RPS6KA2: variants seen among roughly 807,000 people sequenced by gnomAD.
RPS6KA2 encodes ribosomal protein S6 kinase A2, also known as ribosomal protein S6 kinase alpha-2.
RPS6KA2 carries 42 observed loss-of-function variants against 91.8 expected under a neutral mutation model. The ratio of observed to expected loss-of-function variants is 0.46; its 90% CI spans 0.36 to 0.59. RPS6KA2 has a LOEUF of 0.59. RPS6KA2 is among the 20% of genes least tolerant of loss of function. RPS6KA2 has a pLI of 0.00. For synonymous variants in RPS6KA2, 414 were observed against 393.6 expected (o/e 1.05, Z -0.61); for missense variants, 798 against 978.5 (o/e 0.82, Z 2.46).
At chr6:166,719,069 C>T (rs756556220) in intron 2 of RPS6KA2, among the ~76,000 whole-genome samples, 7 of 152,174 alleles carry the variant, frequency 4.6e-5, no homozygotes, top group African/African-American at 7.2e-5. Flanking sequence ...TTTGGGGCCA[C>T]ACAACCTCTG....
chr6:166,793,793 C>T (rs1400742579), intron 2 of RPS6KA2, among the ~76,000 whole-genome samples: 4 of 152,102 alleles, frequency 2.6e-5, no homozygotes, highest in East Asian at 1.9e-4. Context: ...GGAAAACTGG[C>T]TAGCCATATG....
Position 166,770,754 on chromosome 6 carries a change from G to T in RPS6KA2, c.123+87446C>A. 2 of 1,057,038 alleles carry T rather than the reference G, an allele frequency of 1.9e-6. No individual in the cohort carries two copies. The highest frequency in any genetic ancestry group is 2.7e-6 in the Non-Finnish European group (2 of 728,040). The allele number at this position is 1,057,038 out of a possible 1,614,324, so 65.5% of individuals were successfully genotyped here. ...CGCACCTTGCCTTGCTGGACTCCGG[G>T]CACCGTGAAACAACTCAATAAATTG... On this transcript the variant is annotated intron_variant, in intron 2 of 21. Transcript: ENST00000503859. The surrounding 1 kb of genome is among the most constrained non-coding windows in gnomAD (Gnocchi z 5.1).
chr6:166,436,850 GGGAATAGGTTCTCAC>G (rs1406325794), intron 14 of RPS6KA2, among the ~76,000 whole-genome samples: 2 of 152,058 alleles, frequency 1.3e-5, no homozygotes, highest in Admixed American at 1.3e-4. Flanking sequence ...GAGTCGTGGC[GGGAATAGGTTCTCAC>G]ACGACCCTCC....
chr6:166,417,364 A>C (rs1159159309), intron 19 of RPS6KA2, among the ~76,000 whole-genome samples: 1 of 152,220 alleles, frequency 6.6e-6, no homozygotes, highest in Non-Finnish European at 1.5e-5. Context: ...TGTGGTTAAC[A>C]CTTAAGTCAG....
At chr6:166,464,018 T>C (rs1406177642) in intron 11 of RPS6KA2, among the ~76,000 whole-genome samples, 2 of 152,080 alleles carry the variant, frequency 1.3e-5, no homozygotes, top group Non-Finnish European at 2.9e-5. Context: ...CTAGTGTATA[T>C]AATGTAGGAA....
intron 14 of RPS6KA2, among the ~76,000 whole-genome samples, chr6:166,441,640 C>A (rs1365465630): frequency 6.6e-6 from 1 of 152,256 alleles, no homozygotes; most frequent in Non-Finnish European, 1.5e-5. Context: ...TGAGTCCTCT[C>A]CTTCTCCGGC....
intron 2 of RPS6KA2, among the ~76,000 whole-genome samples, chr6:166,818,328 A>G (rs1779822349): frequency 6.6e-6 from 1 of 152,176 alleles, no homozygotes; most frequent in African/African-American, 2.4e-5. Flanking sequence ...TGAAGAGTCC[A>G]GGCTAATTGC....
intron 1 of RPS6KA2, among the ~76,000 whole-genome samples, chr6:166,572,842 G>A (rs1479854133): frequency 6.6e-6 from 1 of 152,226 alleles, no homozygotes; most frequent in Non-Finnish European, 1.5e-5. Flanking sequence ...CAGCTCCCAC[G>A]TCCTCTGCTC....
chr6:166,708,382 C>T (rs1020852790), intron 2 of RPS6KA2, among the ~76,000 whole-genome samples: 1 of 152,118 alleles, frequency 6.6e-6, no homozygotes, highest in African/African-American at 2.4e-5. Context: ...AGTGGTTTTT[C>T]CTGGCTTTTG....
chr6:166,477,547 C>T (rs1781022257), intron 10 of RPS6KA2, among the ~76,000 whole-genome samples: 1 of 152,102 alleles, frequency 6.6e-6, no homozygotes, highest in African/African-American at 2.4e-5. Flanking sequence ...TACAAACACC[C>T]CAATACTTTG....
At chr6:166,660,886 G>A (rs979067315) in intron 2 of RPS6KA2, among the ~76,000 whole-genome samples, 14 of 151,966 alleles carry the variant, frequency 9.2e-5, no homozygotes, top group Admixed American at 2.6e-4. Context: ...AACGTAAATC[G>A]TGAGTTAATT....
intron 2 of RPS6KA2, among the ~76,000 whole-genome samples, chr6:166,691,569 A>C (rs1054118259): frequency 3.9e-5 from 6 of 151,982 alleles, no homozygotes; most frequent in Non-Finnish European, 8.8e-5. Context: ...CCCTGTTAGA[A>C]GCCCTCCTCC....
rs944400035 is a variant in RPS6KA2, at chr6:166,453,701, C to G, written c.1076-2468G>C. 2.0e-5 allele frequency among the ~76,000 whole-genome samples: 3 copies of G among 152,328 alleles called. No homozygotes were observed. In the East Asian group the frequency reaches 5.8e-4, roughly 29 times the overall value. ...TCGATGCAGCAATCCCACTGCTGGG[C>G]ATTGCCCAAAGGAAAAGAAATCGTT... On this transcript the variant is annotated intron_variant, in intron 12 of 20. Transcript: ENST00000265678.
At chr6:166,777,836 TGA>T (rs201379388) in intron 2 of RPS6KA2, among the ~76,000 whole-genome samples, 1,678 of 151,818 alleles carry the variant, frequency 0.011, 29 homozygotes, top group African/African-American at 0.035. Flanking sequence ...TTTGCAATTG[TGA>T]GAGAGAGAGA....
chr6:166,668,247 G>T (rs757782437), intron 2 of RPS6KA2, among the ~76,000 whole-genome samples: 1 of 152,178 alleles, frequency 6.6e-6, no homozygotes, highest in Non-Finnish European at 1.5e-5. Flanking sequence ...AGCATGAGGC[G>T]TGAAGTCCCA....
chr6:166,584,420 T>C (rs1350976655), intron 1 of RPS6KA2, among the ~76,000 whole-genome samples: 6 of 152,228 alleles, frequency 3.9e-5, no homozygotes, highest in South Asian at 2.1e-4. Context: ...AGGGATACAA[T>C]TGAGTCCATT....
At chr6:166,783,543 G>T (rs1241572278) in intron 2 of RPS6KA2, among the ~76,000 whole-genome samples, 3 of 151,798 alleles carry the variant, frequency 2.0e-5, no homozygotes, top group African/African-American at 4.9e-5. Context: ...AAATGACATA[G>T]ATATATGCAT....
At chr6:166,447,496 C>G (rs1779717785) in intron 14 of RPS6KA2, among the ~76,000 whole-genome samples, 1 of 152,054 alleles carries the variant, frequency 6.6e-6, no homozygotes, top group African/African-American at 2.4e-5. Context: ...TTTTTTTCGG[C>G]TGGCGTCTTC....
chr6:166,582,144 G>A (rs1785040323), intron 1 of RPS6KA2, among the ~76,000 whole-genome samples: 1 of 150,848 alleles, frequency 6.6e-6, no homozygotes, highest in Non-Finnish European at 1.5e-5. Flanking sequence ...GGGGTGGGAC[G>A]CCCACTGGGC....
Sources: allele counts gnomAD v4.1 joint callset (sites outside exome capture counted in the v4.1 genomes callset), GRCh38; gene constraint gnomAD v4.1.1; non-coding constraint Gnocchi (gnomAD v3.1); transcripts MANE v1.5; gene names NCBI Gene and HGNC (gene_info 2026-07-23, HGNC 2026-07-21).